The following HS3ST4 variants were observed in gnomAD, a reference collection of about 807,000 sequenced individuals.
HS3ST4 encodes heparan sulfate glucosamine 3-O-sulfotransferase 4.
In HS3ST4, 17 loss-of-function variants were observed where a neutral mutation model predicts 29.2. The observed-to-expected ratio is 0.58, with a 90% CI of 0.40 to 0.87. The LOEUF (loss-of-function observed/expected upper bound fraction) is 0.87. HS3ST4 is among the 40% of genes least tolerant of loss of function. HS3ST4 has a pLI of 0.00. For synonymous variants in HS3ST4, 314 were observed against 285.7 expected (o/e 1.10, Z -1.00); for missense variants, 627 against 634.5 (o/e 0.99, Z 0.13).
intron 1 of HS3ST4, among the ~76,000 whole-genome samples, chr16:26,133,986 A>T (rs1231174659): frequency 2.6e-5 from 4 of 152,198 alleles, no homozygotes; most frequent in Non-Finnish European, 5.9e-5. Context: ...TTTGGTCTAC[A>T]TATGCCTGTA....
At chr16:25,769,486 T>C (rs368703202) in intron 1 of HS3ST4, among the ~76,000 whole-genome samples, 2 of 152,302 alleles carry the variant, frequency 1.3e-5, no homozygotes, top group East Asian at 1.9e-4. Flanking sequence ...GCATTTTACC[T>C]GTTGTTTGCC....
At chr16:25,890,407 G>A (rs940827638) in intron 1 of HS3ST4, among the ~76,000 whole-genome samples, 4 of 152,202 alleles carry the variant, frequency 2.6e-5, no homozygotes, top group Admixed American at 2.6e-4. Context: ...GTGACATAGA[G>A]ACAGAATAAA....
At chr16:25,940,622 G>A (rs576873307) in intron 1 of HS3ST4, among the ~76,000 whole-genome samples, 24 of 152,308 alleles carry the variant, frequency 1.6e-4, no homozygotes, top group Middle Eastern at 3.4e-3. Flanking sequence ...CAGGGGCATG[G>A]ACAGCAGAGC....
chr16:25,981,596 T>C (rs916874832), intron 1 of HS3ST4, among the ~76,000 whole-genome samples: 1 of 142,544 alleles, frequency 7.0e-6, no homozygotes, highest in Non-Finnish European at 1.5e-5. Context: ...ACTGCTGATG[T>C]AATGGTGGAG....
chr16:25,999,465 A>T (rs1347192751), intron 1 of HS3ST4, among the ~76,000 whole-genome samples: 2 of 151,824 alleles, frequency 1.3e-5, no homozygotes, highest in African/African-American at 4.8e-5. Context: ...TTTTTTCAGA[A>T]AATATAACCA....
chr16:25,706,264 A>T (rs1966375308), intron 1 of HS3ST4, among the ~76,000 whole-genome samples: 1 of 152,168 alleles, frequency 6.6e-6, no homozygotes, highest in South Asian at 2.1e-4. Flanking sequence ...TGACCAGAAG[A>T]TTCTGTCATT....
chr16:26,106,909 G>T (rs1038048265), intron 1 of HS3ST4, among the ~76,000 whole-genome samples: 5 of 152,256 alleles, frequency 3.3e-5, no homozygotes, highest in Admixed American at 3.3e-4. Flanking sequence ...AGCCAAAACA[G>T]CAACAACTGA....
At chr16:25,961,275 G>A (rs12931133) in intron 1 of HS3ST4, among the ~76,000 whole-genome samples, 22,325 of 152,152 alleles carry the variant, frequency 0.15, 2,266 homozygotes, top group Non-Finnish European at 0.23. Flanking sequence ...TTAAATGGAG[G>A]TAAGAAGAGA....
intron 1 of HS3ST4, among the ~76,000 whole-genome samples, chr16:25,857,964 C>CT (rs1222079637): frequency 1.9e-5 from 1 of 51,684 alleles, no homozygotes; most frequent in Non-Finnish European, 3.5e-5. Flanking sequence ...TTCTTTCTTT[C>CT]TTTCTTTCTC....
intron 1 of HS3ST4, among the ~76,000 whole-genome samples, chr16:25,830,417 C>T (rs182807972): frequency 2.0e-4 from 31 of 152,314 alleles, no homozygotes; most frequent in Non-Finnish European, 3.8e-4. Context: ...GTCTTGCCCA[C>T]ATCTTCTGCT....
chr16:25,844,576 CA>C (rs1967445193), intron 1 of HS3ST4, among the ~76,000 whole-genome samples: 1 of 152,044 alleles, frequency 6.6e-6, no homozygotes, highest in Non-Finnish European at 1.5e-5. Flanking sequence ...CACACACACA[CA>C]ATAGGAACGC....
At chr16:25,805,956 G>A (rs924718873) in intron 1 of HS3ST4, among the ~76,000 whole-genome samples, 3 of 152,150 alleles carry the variant, frequency 2.0e-5, no homozygotes, top group Non-Finnish European at 4.4e-5. Flanking sequence ...ACATAACAGT[G>A]TTTGGTTTTC....
intron 1 of HS3ST4, among the ~76,000 whole-genome samples, chr16:25,918,753 C>T (rs749104890): frequency 2.0e-5 from 3 of 152,076 alleles, no homozygotes; most frequent in Non-Finnish European, 4.4e-5. Flanking sequence ...TGCAGTGAGC[C>T]GAGATTGTGC....
chr16:25,923,831 A>C (rs1370201180), intron 1 of HS3ST4, among the ~76,000 whole-genome samples: 1 of 151,912 alleles, frequency 6.6e-6, no homozygotes, highest in Admixed American at 6.6e-5. Context: ...GGTTGCGGGG[A>C]GCATTCTTGG....
chr16:25,811,366 T>A lies in HS3ST4; in HGVS notation c.734+118215T>A, dbSNP rs759594631. ...TTTCTGATTATCCACTTTCACTTAATGAATAGTAAATATATTTTCTCTTCT... is the reference window on the plus strand; with the variant it reads ...TTTCTGATTATCCACTTTCACTTAAAGAATAGTAAATATATTTTCTCTTCT... On this transcript the variant is annotated intron_variant, in intron 1 of 1. Transcript: ENST00000331351. 7.1e-4 allele frequency among the ~76,000 whole-genome samples: 108 copies of A among 151,964 alleles called. 1 individual carries two copies. Among genetic ancestry groups the A allele is most frequent in the Non-Finnish European group, 1.1e-3 (75 of 67,986 alleles).
intron 1 of HS3ST4, among the ~76,000 whole-genome samples, chr16:25,859,672 AAAAC>A (rs1489530602): frequency 4.6e-5 from 7 of 152,356 alleles, no homozygotes; most frequent in East Asian, 3.9e-4. Context: ...AGAAAAAGCA[AAAAC>A]AAACAAGCAC....
At chr16:25,923,826 C>A (rs185313154) in intron 1 of HS3ST4, among the ~76,000 whole-genome samples, 1 of 151,970 alleles carries the variant, frequency 6.6e-6, no homozygotes, top group African/African-American at 2.4e-5. Context: ...CGTTGGGTTG[C>A]GGGGAGCATT....
chr16:25,987,777 T>G (rs956850227), intron 1 of HS3ST4, among the ~76,000 whole-genome samples: 27 of 98,892 alleles, frequency 2.7e-4, no homozygotes, highest in Non-Finnish European at 2.9e-4. Context: ...GATTAATTGA[T>G]TTTTTTTTTT....
chr16:25,806,829 A>G (rs1966995297), intron 1 of HS3ST4, among the ~76,000 whole-genome samples: 1 of 152,066 alleles, frequency 6.6e-6, no homozygotes, highest in Non-Finnish European at 1.5e-5. Context: ...GTGTGTTCAT[A>G]TGCATGCATA....
Sources: gnomAD v4.1 joint callset for allele counts (sites outside exome capture counted in the v4.1 genomes callset) on GRCh38, gnomAD v4.1.1 for gene constraint, MANE v1.5 for transcripts, NCBI Gene and HGNC (gene_info 2026-07-23, HGNC 2026-07-21) for gene names.